TXNRD3: variants seen among roughly 807,000 people sequenced by gnomAD.
TXNRD3 encodes the protein thioredoxin reductase 3.
A neutral mutation model predicts 78.2 loss-of-function variants in TXNRD3; 68 were observed. The observed-to-expected ratio is 0.87, with a 90% confidence interval of 0.72 to 1.06. The LOEUF (loss-of-function observed/expected upper bound fraction) is 1.06, where lower values mean the gene tolerates loss of function less well. TXNRD3 is among the 50% of genes least tolerant of loss of function. The pLI is 0.00. For synonymous variants in TXNRD3, 296 were observed against 300.1 expected (o/e 0.99, Z 0.14); for missense variants, 751 against 809.5 (o/e 0.93, Z 0.88).
chr3:126,630,994 T>G (rs1938701994), intron 8 of TXNRD3, 57 bp from the exon 9 acceptor site: 3 of 1,469,156 alleles, frequency 2.0e-6, no homozygotes, highest in Non-Finnish European at 1.8e-6. Flanking sequence ...AATGAGTTAT[T>G]CATGTTTCAG....
chr3:126,654,685 C>T, intron 1 of TXNRD3, 63 bp downstream of exon 1: 1 of 1,157,050 alleles, frequency 8.6e-7, no homozygotes, highest in Non-Finnish European at 1.1e-6. Context: ...CCGCCCTGCC[C>T]CGGGTGGCGT....
At chr3:126,645,913 T>A (rs1438614479) in intron 3 of TXNRD3, among the ~76,000 whole-genome samples, 198 bp downstream of exon 3, 1 of 152,156 alleles carries the variant, frequency 6.6e-6, no homozygotes, top group Admixed American at 6.5e-5. Context: ...CACACAAAAA[T>A]CCTAGCTTCT....
chr3:126,654,689 G>C, intron 1 of TXNRD3, 59 bp downstream of exon 1: 1 of 1,165,784 alleles, frequency 8.6e-7, no homozygotes, highest in Non-Finnish European at 1.1e-6. Context: ...CCTGCCCCGG[G>C]TGGCGTCCGC....
At chr3:126,647,352 A>G (rs1257881257) in intron 1 of TXNRD3, 56 bp from the exon 2 acceptor site, 4 of 1,209,558 alleles carry the variant, frequency 3.3e-6, no homozygotes, top group Non-Finnish European at 4.7e-6. Context: ...CAGCTATGAA[A>G]TATGAACATA....
chr3:126,654,665 C>G (rs1055454768), intron 1 of TXNRD3, 83 bp downstream of exon 1: 17 of 975,934 alleles, frequency 1.7e-5, no homozygotes, highest in East Asian at 4.3e-5. Flanking sequence ...GCGGGCGCCC[C>G]GGCCCGGACC....
intron 6 of TXNRD3, among the ~76,000 whole-genome samples, chr3:126,634,981 T>C (rs1279900488): frequency 6.6e-6 from 1 of 152,200 alleles, no homozygotes; most frequent in Non-Finnish European, 1.5e-5. Flanking sequence ...CTTTCTATGA[T>C]GCCAATGTAC....
chr3:126,620,353 T>C lies in TXNRD3; in HGVS notation c.1524+1389A>G, dbSNP rs373725625. Among the ~76,000 whole-genome samples, 15 of 148,492 alleles carry C rather than the reference T, an allele frequency of 1.0e-4. No homozygotes were observed. The East Asian group carries it at 1.8e-3, about 18-fold the overall frequency. On this transcript the variant is annotated intron_variant, in intron 12 of 15. Transcript: ENST00000524230. The stretch of plus-strand genomic sequence containing the variant: ...CACTCTTAAGGAACAACTGGGGAAA[T>C]TGAATATTATAGTACTTTTGTTGAA...
chr3:126,641,563 G>A (rs918943240), intron 6 of TXNRD3, among the ~76,000 whole-genome samples: 6 of 152,012 alleles, frequency 3.9e-5, no homozygotes, highest in Admixed American at 6.6e-5. Flanking sequence ...TCTCTCCCAC[G>A]GACTACATGC....
chr3:126,621,899 C>T lies in TXNRD3; in HGVS notation c.1368-1G>A, dbSNP rs1938466248. The T allele has an allele frequency of 1.3e-6, 2 of 1,500,038 alleles. No individual in the cohort carries two copies. The highest frequency in any genetic ancestry group is 1.4e-5 in the African/African-American group (1 of 71,350). 92.9% of individuals were successfully genotyped at this position (1,500,038 alleles called of 1,614,324 possible). On this transcript the variant is annotated splice_acceptor_variant, in intron 11 of 15. Coordinates refer to ENST00000524230, the MANE Select transcript of TXNRD3 (RefSeq NM_052883.3). LOFTEE classifies it high-confidence loss of function. ...ATCATTTACAGGTATTTTTCCACTC[C>T]TATTAGTTTTTGAAATGGGAAAAAA...
At chr3:126,642,293 T>A in intron 5 of TXNRD3, 142 bp from the exon 6 acceptor site, 2 of 1,109,434 alleles carry the variant, frequency 1.8e-6, no homozygotes, top group Non-Finnish European at 2.5e-6. Flanking sequence ...CACAAGGGAT[T>A]AACCCAAATT....
chr3:126,623,066 T>G (rs1164059156), intron 10 of TXNRD3, among the ~76,000 whole-genome samples: 1 of 152,186 alleles, frequency 6.6e-6, no homozygotes, highest in Non-Finnish European at 1.5e-5. Context: ...TTTCTGTTGT[T>G]TACGCCCCCT....
In TXNRD3 at chr3:126,646,113, G is replaced by A. The variant is rs912251257; in HGVS notation, c.412C>T (p.Gln138Ter). 31 of 1,519,466 alleles carry A rather than the reference G, an allele frequency of 2.0e-5. No individual in the cohort carries two copies. The highest frequency in any genetic ancestry group is 9.7e-5 in the African/African-American group (7 of 71,960). 94.1% of individuals were successfully genotyped at this position (1,519,466 alleles called of 1,614,324 possible). A position where few individuals can be genotyped will look rare whatever the true frequency, so the allele number is the denominator to read the frequency against. The change falls in exon 3 of 16, where the codon CAG becomes TAG. Residue 138 changes from glutamine (Q) to a stop codon, truncating the protein, a stop_gained and splice_region_variant. Coordinates refer to ENST00000524230, the MANE Select transcript of TXNRD3 (RefSeq NM_052883.3). LOFTEE classifies it high-confidence loss of function. ...AGAACATATAATAGTATTATTACCT[G>A]GAAAGTTTGGTCACATCCACCTACA...
intron 10 of TXNRD3, among the ~76,000 whole-genome samples, chr3:126,623,736 T>C (rs1328561053): frequency 6.6e-6 from 1 of 150,800 alleles, no homozygotes. Flanking sequence ...GGTCACATCC[T>C]GGCAATGATA....
In TXNRD3 at chr3:126,634,052, C is replaced by A; in HGVS notation, c.713-1G>T. The A allele has an allele frequency of 6.7e-7, 1 of 1,490,838 alleles. No individual in the cohort carries two copies. Among genetic ancestry groups the A allele is most frequent in the Non-Finnish European group, 8.9e-7 (1 of 1,125,380 alleles). The allele number at this position is 1,490,838 out of a possible 1,614,324, so 92.4% of individuals were successfully genotyped here. ...GTCATTGTCTCCCAGTTGTGCCTCA[C>A]TAAGAAGAAATAATCAGGGTGAAGA... On this transcript the variant is annotated splice_acceptor_variant, in intron 6 of 15. Transcript: ENST00000524230. LOFTEE classifies it high-confidence loss of function.
At chr3:126,653,853 T>C (rs868484325) in intron 1 of TXNRD3, among the ~76,000 whole-genome samples, 1 of 152,218 alleles carries the variant, frequency 6.6e-6, no homozygotes, top group African/African-American at 2.4e-5. Context: ...GCAACGAAAA[T>C]TAATGAACCC....
intron 1 of TXNRD3, among the ~76,000 whole-genome samples, chr3:126,648,418 C>A (rs1933292302): frequency 6.6e-6 from 1 of 152,092 alleles, no homozygotes; most frequent in African/African-American, 2.4e-5. Context: ...ATAACCAGAA[C>A]AATCTTGTAA....
chr3:126,644,812 A>T (rs777235), intron 3 of TXNRD3, among the ~76,000 whole-genome samples: 26 of 152,210 alleles, frequency 1.7e-4, no homozygotes, highest in Middle Eastern at 3.4e-3. Flanking sequence ...ATGCATTATC[A>T]GCAAATTTTG....
chr3:126,614,653 T>C (rs537224688), intron 13 of TXNRD3, among the ~76,000 whole-genome samples: 151 of 152,196 alleles, frequency 9.9e-4, no homozygotes, highest in Non-Finnish European at 1.6e-3. Flanking sequence ...GAAATTTAAA[T>C]AGGAGTTTCT....
chr3:126,621,327 GA>G (rs1189137158), intron 12 of TXNRD3, among the ~76,000 whole-genome samples: 2 of 152,240 alleles, frequency 1.3e-5, no homozygotes, highest in African/African-American at 2.4e-5. Context: ...TTCATGCCAA[GA>G]GCTCCTATGC....
Sources: allele counts gnomAD v4.1 joint callset (sites outside exome capture counted in the v4.1 genomes callset), GRCh38; gene constraint gnomAD v4.1.1; transcripts MANE v1.5; gene names NCBI Gene and HGNC (gene_info 2026-07-23, HGNC 2026-07-21).